The following DMD variants were observed in gnomAD, a reference collection of about 807,000 sequenced individuals.
The protein encoded by DMD is dystrophin, also known as mutant dystrophin.
A neutral mutation model predicts 330.1 loss-of-function variants in DMD; 63 were observed. That is an observed-to-expected ratio of 0.19 (90% CI 0.16 to 0.24). The LOEUF (loss-of-function observed/expected upper bound fraction) is 0.24. DMD is among the 10% of genes least tolerant of loss of function. DMD has a pLI of 1.00. For missense variants in DMD, 3,344 were observed against 2,684.1 expected (o/e 1.25, Z -5.43); for synonymous variants, 1,223 against 959.8 (o/e 1.27, Z -5.07).
At chrX:32,268,891 G>C (rs1045866829) in intron 43 of DMD, among the ~76,000 whole-genome samples, 2 of 109,984 alleles carry the variant, frequency 1.8e-5, no homozygotes, top group Admixed American at 9.8e-5. Context: ...ATATGAGCAG[G>C]GTAGGAGACC....
At chrX:31,975,369 T>C (rs890487101) in intron 44 of DMD, among the ~76,000 whole-genome samples, 1 of 112,041 alleles carries the variant, frequency 8.9e-6, no homozygotes, top group Non-Finnish European at 1.9e-5. Flanking sequence ...AAATGTTAGC[T>C]CTCTCTACGT....
chrX:32,388,662 G>A (rs192142482), intron 32 of DMD, among the ~76,000 whole-genome samples: 105 of 110,717 alleles, frequency 9.5e-4, no homozygotes, highest in Non-Finnish European at 1.1e-3. Flanking sequence ...TTATGGAGTA[G>A]ATGTAGAAAC....
intron 4 of DMD, among the ~76,000 whole-genome samples, chrX:32,835,861 G>C (rs986173764): frequency 3.6e-5 from 4 of 111,081 alleles, no homozygotes; most frequent in Non-Finnish European, 7.5e-5. Flanking sequence ...GTATCATTTT[G>C]AAAAGACACT....
At chrX:32,122,917 CCTGACA>C (rs754224227) in intron 44 of DMD, among the ~76,000 whole-genome samples, 1 of 109,728 alleles carries the variant, frequency 9.1e-6, no homozygotes, top group African/African-American at 3.3e-5. Context: ...AAGTAAATGT[CCTGACA>C]CTAAGTTTAG....
chrX:32,388,061 C>A (rs922789579), intron 32 of DMD, among the ~76,000 whole-genome samples: 4 of 111,470 alleles, frequency 3.6e-5, no homozygotes, highest in Admixed American at 9.6e-5. Context: ...AATGAAAAAA[C>A]TAAACAGTGT....
At chrX:32,555,223 A>C (rs1042212370) in intron 16 of DMD, among the ~76,000 whole-genome samples, 2 of 111,797 alleles carry the variant, frequency 1.8e-5, no homozygotes, top group African/African-American at 6.5e-5. Flanking sequence ...TCAATAGACA[A>C]CCAAAAGGTA....
At chrX:31,163,821 T>C (rs1052718003) in intron 74 of DMD, among the ~76,000 whole-genome samples, 11 of 111,896 alleles carry the variant, frequency 9.8e-5, no homozygotes, top group Non-Finnish European at 2.1e-4. Flanking sequence ...TTCTCCAGCA[T>C]GTGAAAATTA....
At chrX:32,731,879 T>C (rs2067717126) in intron 7 of DMD, among the ~76,000 whole-genome samples, 2 of 112,133 alleles carry the variant, frequency 1.8e-5, no homozygotes, top group South Asian at 3.7e-4. Flanking sequence ...AGGAACACAG[T>C]TCCTCACTAG....
intron 1 of DMD, among the ~76,000 whole-genome samples, chrX:33,054,523 G>A (rs1603122270): frequency 3.6e-5 from 4 of 112,265 alleles, no homozygotes; most frequent in African/African-American, 1.3e-4. Flanking sequence ...CCTCAGCATC[G>A]AGGACCATGA....
chrX:32,335,773 G>A (rs941781717), intron 41 of DMD, among the ~76,000 whole-genome samples: 4 of 88,639 alleles, frequency 4.5e-5, no homozygotes, highest in Admixed American at 1.3e-4. Context: ...TATATAAAAC[G>A]TTATATATGT....
intron 54 of DMD, among the ~76,000 whole-genome samples, chrX:31,636,324 C>T (rs969553673): frequency 3.6e-5 from 4 of 111,648 alleles, no homozygotes; most frequent in African/African-American, 1.3e-4. Flanking sequence ...AACCTGCACA[C>T]GTGCTCCTGA....
chrX:32,135,359 A>AGAATAAATGAT (rs1175782171), intron 44 of DMD, among the ~76,000 whole-genome samples: 53 of 112,856 alleles, frequency 4.7e-4, no homozygotes, highest in African/African-American at 1.6e-3. Flanking sequence ...ATGCTTTGGA[A>AGAATAAATGAT]GAATAAATGA....
chrX:32,526,200 T>TA (rs1156392507), intron 17 of DMD, among the ~76,000 whole-genome samples: 1 of 112,064 alleles, frequency 8.9e-6, no homozygotes, highest in Non-Finnish European at 1.9e-5. Flanking sequence ...CTTTAGCTAA[T>TA]AAAAAAATAA....
chrX:31,763,416 A>G (rs1731281231), intron 51 of DMD, among the ~76,000 whole-genome samples: 1 of 111,678 alleles, frequency 9.0e-6, no homozygotes, highest in Non-Finnish European at 1.9e-5. Flanking sequence ...AAAAAAAATT[A>G]GCCGGGTGTG....
At chrX:31,544,904 C>T (rs2074059837) in intron 55 of DMD, among the ~76,000 whole-genome samples, 1 of 111,036 alleles carries the variant, frequency 9.0e-6, no homozygotes, top group East Asian at 2.8e-4. Flanking sequence ...ATAGCCCAAA[C>T]TGTGAAAACT....
At chrX:32,716,153 G>A (rs2065698732) in intron 7 of DMD, among the ~76,000 whole-genome samples, 1 of 111,265 alleles carries the variant, frequency 9.0e-6, no homozygotes, top group African/African-American at 3.3e-5. Context: ...CGTATTTATT[G>A]TTTGAGTCAT....
At chrX:31,677,575 T>C (rs774619858) in intron 53 of DMD, among the ~76,000 whole-genome samples, 8 of 112,404 alleles carry the variant, frequency 7.1e-5, no homozygotes, top group Non-Finnish European at 1.5e-4. Flanking sequence ...TGATTCTATA[T>C]ATTACATAGT....
chrX:32,185,559 T>C (rs1345828351), intron 44 of DMD, among the ~76,000 whole-genome samples: 2 of 111,512 alleles, frequency 1.8e-5, no homozygotes, highest in African/African-American at 6.5e-5. Flanking sequence ...TAAGTGCCTA[T>C]CATGAGCAGT....
chrX:33,177,362 C>T (rs1195343767), intron 1 of DMD, among the ~76,000 whole-genome samples: 1 of 111,548 alleles, frequency 9.0e-6, no homozygotes, highest in Non-Finnish European at 1.9e-5. Flanking sequence ...AGACAGTATA[C>T]AAACGGAAAT....
Sources: allele counts gnomAD v4.1 joint callset (sites outside exome capture counted in the v4.1 genomes callset), GRCh38; gene constraint gnomAD v4.1.1; transcripts MANE v1.5; gene names NCBI Gene and HGNC (gene_info 2026-07-23, HGNC 2026-07-21).